The following COL4A2 variants were observed in gnomAD, a reference collection of about 807,000 sequenced individuals.
COL4A2 encodes collagen type IV alpha 2 chain.
In COL4A2, 99 loss-of-function variants were observed where a neutral mutation model predicts 200.2. The observed-to-expected ratio is 0.49, with a 90% CI of 0.42 to 0.58. COL4A2 has a LOEUF of 0.58. COL4A2 is among the 20% of genes least tolerant of loss of function. The probability of loss-of-function intolerance (pLI) is 0.00; values close to 1 mark genes in which losing one functional copy is unlikely to be tolerated. For missense variants in COL4A2, 1,950 were observed against 2,314.1 expected (o/e 0.84, Z 3.23); for synonymous variants, 897 against 900.6 (o/e 1.00, Z 0.07).
In COL4A2 at chr13:110,307,977, G is replaced by T. The variant is rs1011194662; in HGVS notation, c.44+30G>T. The T allele has an allele frequency of 2.5e-6, 4 of 1,612,280 alleles. No homozygotes were observed. The highest frequency in any genetic ancestry group is 1.1e-5 in the South Asian group (1 of 90,930). On this transcript the variant is annotated intron_variant, in intron 2 of 47. Transcript: ENST00000360467. This position sits in a 1 kb window ranked among gnomAD's most constrained non-coding sequence, Gnocchi z 5.0. ...GCGACTTTCTGCCTGGTCCCCGTGGGTCACGCGCGCATGGACCCTTCGGTG... is the reference window on the plus strand; with the variant it reads ...GCGACTTTCTGCCTGGTCCCCGTGGTTCACGCGCGCATGGACCCTTCGGTG...
intron 4 of COL4A2, among the ~76,000 whole-genome samples, chr13:110,365,967 A>C (rs1040418844): frequency 6.6e-6 from 1 of 152,058 alleles, no homozygotes; most frequent in Admixed American, 6.6e-5. Context: ...CCTCACACAG[A>C]CTCCACAGAA....
Position 110,357,464 on chromosome 13 carries a change from T to C in COL4A2, c.100-8T>C, listed in dbSNP as rs1459886410. 6.3e-7 allele frequency: 1 copy of C among 1,582,640 alleles called. No individual in the cohort carries two copies. The highest frequency in any genetic ancestry group is 1.7e-5 in the Admixed American group (1 of 57,188). The stretch of plus-strand genomic sequence containing the variant: ...AACTTTTCTTTGCCTTGTGTTTTAT[T>C]GTTGCAGGGTGTGAAGAAGTTTGAT... On this transcript the variant is annotated splice_region_variant and splice_polypyrimidine_tract_variant and intron_variant, in intron 3 of 47. Coordinates refer to ENST00000360467, the MANE Select transcript of COL4A2 (RefSeq NM_001846.4).
intron 3 of COL4A2, among the ~76,000 whole-genome samples, chr13:110,355,861 C>G (rs1479869509): frequency 7.8e-6 from 1 of 128,646 alleles, no homozygotes; most frequent in Non-Finnish European, 1.6e-5. Flanking sequence ...GCTGTACTAG[C>G]TCACCTGTGT....
Position 110,503,222 on chromosome 13 carries a change from T to C in COL4A2, c.3979T>C (p.Trp1327Arg), listed in dbSNP as rs1416541915. 1.9e-6 allele frequency: 3 copies of C among 1,613,708 alleles called. No individual in the cohort carries two copies. Among genetic ancestry groups the C allele is most frequent in the Non-Finnish European group, 2.5e-6 (3 of 1,179,954 alleles). The stretch of plus-strand genomic sequence containing the variant: ...TCCAGGAACCCCAGGGACCAAAGGA[T>C]GGGCCGGGGACTCCGGGCCCCAGGG... ...GAPGTPGTKG[W>R]AGDSGPQGRP... The change falls in exon 42 of 48, where the codon TGG (tryptophan) becomes CGG (arginine). Residue 1327 changes from tryptophan to arginine, a missense_variant. Physicochemically the swap from Trp to Arg is moderately radical, Grantham distance 101. Transcript: ENST00000360467.
rs1594105923 is a variant in COL4A2 at position 110,491,285 on chromosome 13, T to C, written c.3399T>C (p.Pro1133=). 1 of 1,601,018 alleles carries C rather than the reference T, an allele frequency of 6.2e-7. No individual in the cohort carries two copies. The highest frequency in any genetic ancestry group is 1.7e-5 in the Admixed American group (1 of 58,778). ...EKGTEGDIGF[P]GITGVTGVQG... ...GAACAGAAGGTGACATCGGCTTCCC[T>C]GGGATAACAGGCGTGACTGGAGTCC... Residue 1133 remains proline, a synonymous_variant, in exon 37 of 48, where the codon CCT becomes CCC. Transcript: ENST00000360467.
At position 110,486,019 on chromosome 13, in the gene COL4A2, T is replaced by C. The variant is rs1423561782; in HGVS notation, c.3207+183T>C. 2.0e-5 allele frequency among the ~76,000 whole-genome samples: 3 copies of C among 152,206 alleles called. No homozygotes were observed. The East Asian group carries it at 5.8e-4, about 29-fold the overall frequency. The stretch of plus-strand genomic sequence containing the variant: ...CTGCTGCACTTGGACACCATGCAGA[T>C]GTGATGTGAGTCCAACCGGCTGCCG... On this transcript the variant is annotated intron_variant, in intron 34 of 47. Coordinates refer to ENST00000360467, the MANE Select transcript of COL4A2 (RefSeq NM_001846.4).
At chr13:110,449,588 TG>T in intron 18 of COL4A2, 90 bp from the exon 19 acceptor site, 1 of 1,253,920 alleles carries the variant, frequency 8.0e-7, no homozygotes, top group Non-Finnish European at 1.1e-6. Flanking sequence ...ATGGAGCATT[TG>T]GTAAATATGT....
chr13:110,483,299 A>G (rs1882997428), intron 32 of COL4A2, among the ~76,000 whole-genome samples: 2 of 152,340 alleles, frequency 1.3e-5, no homozygotes, highest in African/African-American at 4.8e-5. Flanking sequence ...GAACCTTCAC[A>G]GGCTGCCAGC....
intron 3 of COL4A2, 98 bp downstream of exon 3, chr13:110,308,221 G>A: frequency 7.6e-7 from 1 of 1,319,118 alleles, no homozygotes; most frequent in Middle Eastern, 1.9e-4. Context: ...GCTCCCGAGT[G>A]TGTGTGTGCG....
intron 22 of COL4A2, 36 bp downstream of exon 22, chr13:110,458,970 C>G (rs755211587): frequency 6.7e-7 from 1 of 1,496,484 alleles, no homozygotes; most frequent in African/African-American, 1.4e-5. Flanking sequence ...TGGCAAGACA[C>G]TCTGAGGCCT....
intron 3 of COL4A2, among the ~76,000 whole-genome samples, chr13:110,343,932 T>C (rs9521703): frequency 0.15 from 22,075 of 152,214 alleles, 1,857 homozygotes; most frequent in Middle Eastern, 0.25. Context: ...CAGGGCTAAA[T>C]ATTTACCTTA....
intron 4 of COL4A2, among the ~76,000 whole-genome samples, chr13:110,408,403 A>T (rs4773176): frequency 0.18 from 28,034 of 152,280 alleles, 3,188 homozygotes; most frequent in East Asian, 0.28. Context: ...AATTTCCTCC[A>T]TGACCATGCT....
At chr13:110,475,825 T>G (rs1882685200) in intron 29 of COL4A2, among the ~76,000 whole-genome samples, 1 of 152,218 alleles carries the variant, frequency 6.6e-6, no homozygotes, top group African/African-American at 2.4e-5. Flanking sequence ...AAATGAGATG[T>G]GATTTCACTG....
intron 3 of COL4A2, among the ~76,000 whole-genome samples, chr13:110,324,115 T>A (rs1410949998): frequency 2.0e-5 from 3 of 152,194 alleles, no homozygotes; most frequent in Non-Finnish European, 4.4e-5. Flanking sequence ...ATGGTTTTTT[T>A]TTTTCTTGAG....
intron 3 of COL4A2, among the ~76,000 whole-genome samples, chr13:110,324,784 G>A (rs1885363281): frequency 6.6e-6 from 1 of 152,192 alleles, no homozygotes; most frequent in Non-Finnish European, 1.5e-5. Flanking sequence ...AAATGTGTAG[G>A]TGGGGCCTCC....
chr13:110,331,682 G>A (rs74452376), intron 3 of COL4A2, among the ~76,000 whole-genome samples: 14,162 of 152,114 alleles, frequency 0.093, 792 homozygotes, highest in Admixed American at 0.14. Flanking sequence ...TCCAAACACC[G>A]ACTCAAAACC....
intron 3 of COL4A2, among the ~76,000 whole-genome samples, chr13:110,323,191 A>C (rs1183574096): frequency 6.6e-6 from 1 of 152,180 alleles, no homozygotes; most frequent in Admixed American, 6.5e-5. Flanking sequence ...TGGGAGCTAC[A>C]TTCCCCAGAG....
At chr13:110,454,395 T>C (rs1395518800) in intron 20 of COL4A2, among the ~76,000 whole-genome samples, 3 of 152,146 alleles carry the variant, frequency 2.0e-5, no homozygotes, top group Non-Finnish European at 2.9e-5. Context: ...GCCCACAATC[T>C]CTTTGTCCTG....
intron 45 of COL4A2, among the ~76,000 whole-genome samples, chr13:110,505,399 C>T (rs888834267): frequency 1.3e-5 from 2 of 151,952 alleles, no homozygotes; most frequent in African/African-American, 4.8e-5. Flanking sequence ...GTGTCCAAGT[C>T]AAAGGAAATA....
Sources: gnomAD v4.1 joint callset for allele counts (sites outside exome capture counted in the v4.1 genomes callset) on GRCh38, gnomAD v4.1.1 for gene constraint, Gnocchi (gnomAD v3.1) non-coding constraint, MANE v1.5 for transcripts, NCBI Gene and HGNC (gene_info 2026-07-23, HGNC 2026-07-21) for gene names.